Variants in TADA2B observed in about 807,000 individuals in gnomAD.
TADA2B encodes transcriptional adaptor 2B, also known as transcriptional adapter 2-beta.
A neutral mutation model predicts 34.5 loss-of-function variants in TADA2B; 13 were observed. That is an observed-to-expected ratio of 0.38 (90% CI 0.25 to 0.60). The LOEUF is 0.60. Ranked by LOEUF, TADA2B falls within the 20% of genes least tolerant of loss-of-function variation. The pLI, the probability that TADA2B is intolerant of heterozygous loss-of-function variation, is 0.65. For synonymous variants in TADA2B, 240 were observed against 243.4 expected, an observed-to-expected ratio of 0.99 and a Z score of 0.13; for missense variants, 442 against 575.0, an observed-to-expected ratio of 0.77 and a Z score of 2.37.
At chr4:7,050,452 T>C (rs1723733816) in intron 1 of TADA2B, among the ~76,000 whole-genome samples, 1 of 152,240 alleles carries the variant, frequency 6.6e-6, no homozygotes, top group Non-Finnish European at 1.5e-5. Flanking sequence ...AAAAAGGAGC[T>C]GGTGCTGGGC....
Position 7,055,080 on chromosome 4 carries a change from T to C in TADA2B, c.*26T>C. 1 of 1,586,248 alleles carries C rather than the reference T, an allele frequency of 6.3e-7. No individual in the cohort carries two copies. The highest frequency in any genetic ancestry group is 8.6e-7 in the Non-Finnish European group (1 of 1,167,600). On this transcript the variant is annotated 3_prime_UTR_variant, in exon 2 of 2. Transcript: ENST00000310074. ...AGCTGAGACGCTTTGAAAGCCAGGG[T>C]GATGCTCAGACAGTGTGCCAGCCAA...
Position 7,043,771 on chromosome 4 carries a change from C to G in TADA2B, c.192C>G (p.Pro64=), listed in dbSNP as rs770268974. The change falls in exon 1 of 2, where the codon CCC becomes CCG. Residue 64 remains proline (P), a synonymous_variant. Coordinates refer to ENST00000310074, the MANE Select transcript of TADA2B (RefSeq NM_152293.3). The part of the protein sequence containing the change: ...VDGGRFTLWG[P]EAEGGWTSRE... ...GCGGGCGCTTCACGCTCTGGGGGCC[C>G]GAGGCCGAGGGCGGCTGGACCAGTC... 11 of 1,573,428 alleles carry G rather than the reference C, an allele frequency of 7.0e-6. No homozygotes were observed. The highest frequency in any genetic ancestry group is 9.4e-6 in the Non-Finnish European group (11 of 1,164,134).
At chr4:7,045,438 T>G (rs1577214380) in intron 1 of TADA2B, among the ~76,000 whole-genome samples, 1 of 152,318 alleles carries the variant, frequency 6.6e-6, no homozygotes, top group African/African-American at 2.4e-5. Context: ...GGAGCGAGCT[T>G]TGGAAGCACA....
Position 7,054,493 on chromosome 4 carries a change from G to T in TADA2B, c.702G>T (p.Gly234=), listed in dbSNP as rs374613250. ...ACAATCTGGTGCCAGCCTTCCTGGGGAAGGACAAGAAGGAGAAGGAAAAGG... is the reference window on the plus strand; with the variant it reads ...ACAATCTGGTGCCAGCCTTCCTGGGTAAGGACAAGAAGGAGAAGGAAAAGG... ...RDYNLVPAFL[G]KDKKEKEKAL... is the part of the protein sequence containing the mutation. The change falls in exon 2 of 2, where the codon GGG becomes GGT. Residue 234 remains glycine (G), a synonymous_variant. Coordinates refer to ENST00000310074, the MANE Select transcript of TADA2B (RefSeq NM_152293.3). 3.1e-6 allele frequency: 5 copies of T among 1,613,732 alleles called. No individual in the cohort carries two copies. Among genetic ancestry groups the T allele is most frequent in the Non-Finnish European group, 4.2e-6 (5 of 1,179,908 alleles).
chr4:7,047,955 G>T (rs994641313), intron 1 of TADA2B, among the ~76,000 whole-genome samples: 1 of 152,186 alleles, frequency 6.6e-6, no homozygotes, highest in East Asian at 1.9e-4. Context: ...CCTGAGACAG[G>T]TGCTCCCCAC....
rs535121277 is a variant in TADA2B, at chr4:7,046,619, G to A, written c.270+2770G>A. ...AGGCTGGGAGGCCATCGGTGCCACC[G>A]CAGGAGTGGCAGAAGGGCTTGACCT... On this transcript the variant is annotated intron_variant, in intron 1 of 1. Coordinates refer to ENST00000310074, the MANE Select transcript of TADA2B (RefSeq NM_152293.3). 5.5e-3 allele frequency among the ~76,000 whole-genome samples: 837 copies of A among 152,330 alleles called. 4 individuals are homozygous for A. The highest frequency in any genetic ancestry group is 8.8e-3 in the Non-Finnish European group (602 of 68,036).
At chr4:7,049,757 G>C (rs1424005086) in intron 1 of TADA2B, among the ~76,000 whole-genome samples, 2 of 152,252 alleles carry the variant, frequency 1.3e-5, no homozygotes, top group Non-Finnish European at 2.9e-5. Flanking sequence ...TCTCTTTAAA[G>C]GTGACAGACA....
chr4:7,052,530 A>C (rs1257026249), intron 1 of TADA2B, among the ~76,000 whole-genome samples: 1 of 151,964 alleles, frequency 6.6e-6, no homozygotes, highest in Non-Finnish European at 1.5e-5. Context: ...TGTGGGGCCC[A>C]CTCTGGCCCT....
intron 1 of TADA2B, among the ~76,000 whole-genome samples, chr4:7,052,252 A>G (rs1038535308): frequency 6.6e-6 from 1 of 152,234 alleles, no homozygotes; most frequent in African/African-American, 2.4e-5. Context: ...CGGTGGAAGC[A>G]CAGACGTGAG....
Position 7,055,666 on chromosome 4 carries a change from A to G in TADA2B, c.*612A>G, listed in dbSNP as rs1035992186. The stretch of plus-strand genomic sequence containing the variant: ...GAGGAATCTGTTGAACACAGCGACC[A>G]GATGACCTTCCATTTCACCGGCGGC... On this transcript the variant is annotated 3_prime_UTR_variant, in exon 2 of 2. Coordinates refer to ENST00000310074, the MANE Select transcript of TADA2B (RefSeq NM_152293.3). 6.6e-6 allele frequency: 1 copy of G among 152,358 alleles called. No individual in the cohort carries two copies. The highest frequency in any genetic ancestry group is 2.4e-5 in the African/African-American group (1 of 41,470). The allele number at this position is 152,358 out of a possible 1,614,324, so 9.4% of individuals were successfully genotyped here. A position where few individuals can be genotyped will look rare whatever the true frequency, so the allele number is the denominator to read the frequency against.
rs991859419 is a variant in TADA2B at position 7,055,311 on chromosome 4, C to T, written c.*257C>T. 5 of 439,942 alleles carry T rather than the reference C, an allele frequency of 1.1e-5. No homozygotes were observed. Among genetic ancestry groups the T allele is most frequent in the Admixed American group, 7.9e-5 (2 of 25,374 alleles). The allele number at this position is 439,942 out of a possible 1,614,324, so 27.3% of individuals were successfully genotyped here. ...ACTGCGATGATGCTCCGCCTTTACC[C>T]GTTCAGTTGGGAGCTTATTGTGAGA... is the stretch of plus-strand genomic sequence containing the variant. On this transcript the variant is annotated 3_prime_UTR_variant, in exon 2 of 2. Transcript: ENST00000310074.
chr4:7,053,798 C>G (rs756343248), intron 1 of TADA2B: 2 of 454,158 alleles, frequency 4.4e-6, no homozygotes, highest in African/African-American at 3.9e-5. Context: ...CAGCTCACCC[C>G]AAGACCTTGT....
At chr4:7,043,907 C>T in intron 1 of TADA2B, 58 bp downstream of exon 1, 2 of 1,424,480 alleles carry the variant, frequency 1.4e-6, no homozygotes, top group South Asian at 3.0e-5. Context: ...CCGCGCCTCT[C>T]CTGTAATCGG....
intron 1 of TADA2B, 76 bp downstream of exon 1, chr4:7,043,925 G>A: frequency 7.1e-7 from 1 of 1,405,914 alleles, no homozygotes; most frequent in Non-Finnish European, 9.2e-7. Flanking sequence ...CGGGCGCGCA[G>A]GCAGCGCTGG....
chr4:7,049,944 G>C (rs1723724186), intron 1 of TADA2B, among the ~76,000 whole-genome samples: 1 of 152,256 alleles, frequency 6.6e-6, no homozygotes, highest in African/African-American at 2.4e-5. Flanking sequence ...GACTGGAGGT[G>C]CTGAAGTGAC....
Position 7,043,857 on chromosome 4 carries a change from G to A in TADA2B, c.270+8G>A. 1 of 1,455,398 alleles carries A rather than the reference G, an allele frequency of 6.9e-7. No individual in the cohort carries two copies. Among genetic ancestry groups the A allele is most frequent in the Non-Finnish European group, 9.1e-7 (1 of 1,103,078 alleles). 90.2% of individuals were successfully genotyped at this position (1,455,398 alleles called of 1,614,324 possible). ...TTCGGCTTCGGAAACTGGGTGAGCG[G>A]CGCGACGGGGGCCGGGTCCCGGCTA... On this transcript the variant is annotated splice_region_variant and intron_variant, in intron 1 of 1. Coordinates refer to ENST00000310074, the MANE Select transcript of TADA2B (RefSeq NM_152293.3).
intron 1 of TADA2B, among the ~76,000 whole-genome samples, chr4:7,052,174 A>C (rs892573128): frequency 2.0e-4 from 30 of 152,354 alleles, no homozygotes; most frequent in Non-Finnish European, 3.5e-4. Context: ...CCTTGGACAG[A>C]AGCTGGTGTC....
At position 7,054,979 on chromosome 4, in the gene TADA2B, C is replaced by A; in HGVS notation, c.1188C>A (p.Tyr396Ter). The change falls in exon 2 of 2, where the codon TAC becomes TAA. Residue 396 changes from tyrosine (Y) to a stop codon, truncating the protein, a stop_gained. Coordinates refer to ENST00000310074, the MANE Select transcript of TADA2B (RefSeq NM_152293.3). LOFTEE classifies it high-confidence loss of function. The part of the protein sequence containing the change: ...GIPSKSRLPS[Y>*]LDKVLKKRIL... ...CCTCCAAAAGCCGCCTTCCTAGCTA[C>A]CTGGACAAAGTCCTAAAGAAAAGGA... 1 of 1,613,858 alleles carries A rather than the reference C, an allele frequency of 6.2e-7. No individual in the cohort carries two copies.
intron 1 of TADA2B, among the ~76,000 whole-genome samples, chr4:7,048,802 A>G (rs937884519): frequency 1.3e-5 from 2 of 151,960 alleles, no homozygotes; most frequent in Admixed American, 1.3e-4. Context: ...AGGGACCTCA[A>G]ATGCGTGGGT....
Sources: allele counts gnomAD v4.1 joint callset (sites outside exome capture counted in the v4.1 genomes callset), GRCh38; gene constraint gnomAD v4.1.1; transcripts MANE v1.5; gene names NCBI Gene and HGNC (gene_info 2026-07-23, HGNC 2026-07-21).